ADAMTSL1: variants seen among roughly 807,000 people sequenced by gnomAD.
The protein encoded by ADAMTSL1 is ADAMTS like 1, also known as ADAMTS-like protein 1.
A neutral mutation model predicts 201.8 loss-of-function variants in ADAMTSL1; 126 were observed. The ratio of observed to expected loss-of-function variants is 0.62; its 90% CI spans 0.54 to 0.72. ADAMTSL1 has a LOEUF of 0.72. Ranked by LOEUF, ADAMTSL1 falls within the 30% of genes least tolerant of loss-of-function variation. The pLI, the probability that ADAMTSL1 is intolerant of heterozygous loss-of-function variation, is 0.00. For missense variants in ADAMTSL1, 2,679 were observed against 2,277.8 expected, an observed-to-expected ratio of 1.18 and a Z score of -3.59; for synonymous variants, 1,121 against 903.4, an observed-to-expected ratio of 1.24 and a Z score of -4.32.
chr9:18,441,199 A>G (rs1030500003), intron 2 of ADAMTSL1, among the ~76,000 whole-genome samples: 11 of 152,178 alleles, frequency 7.2e-5, no homozygotes, highest in African/African-American at 1.2e-4. Flanking sequence ...TTTGGGGGTA[A>G]TAAGAATGTT....
intron 2 of ADAMTSL1, among the ~76,000 whole-genome samples, chr9:18,243,662 T>C (rs1040765214): frequency 6.6e-6 from 1 of 152,068 alleles, no homozygotes; most frequent in African/African-American, 2.4e-5. Context: ...TCCTGCTCTT[T>C]CTCTAAGCAT....
intron 2 of ADAMTSL1, among the ~76,000 whole-genome samples, chr9:18,435,533 C>A (rs1188016832): frequency 6.6e-6 from 1 of 152,174 alleles, no homozygotes; most frequent in Non-Finnish European, 1.5e-5. Flanking sequence ...GGGCTCTGAT[C>A]GATTTGGTTA....
chr9:18,455,018 T>C (rs1820548872), intron 2 of ADAMTSL1, among the ~76,000 whole-genome samples: 1 of 152,124 alleles, frequency 6.6e-6, no homozygotes, highest in South Asian at 2.1e-4. Context: ...ATTCATAGGG[T>C]GGGTGGGTGT....
chr9:18,891,312 T>C (rs12003911), intron 25 of ADAMTSL1, among the ~76,000 whole-genome samples: 19,715 of 152,274 alleles, frequency 0.13, 1,418 homozygotes, highest in Middle Eastern at 0.21. Context: ...AACCCCGCTG[T>C]GACCCAGGTA....
At chr9:18,694,734 C>T (rs879376212) in intron 13 of ADAMTSL1, among the ~76,000 whole-genome samples, 5 of 152,140 alleles carry the variant, frequency 3.3e-5, no homozygotes, top group Non-Finnish European at 5.9e-5. Flanking sequence ...ATCTACCATT[C>T]TGGGGTCTGC....
At chr9:18,400,369 G>A (rs1174978346) in intron 2 of ADAMTSL1, among the ~76,000 whole-genome samples, 4 of 152,072 alleles carry the variant, frequency 2.6e-5, no homozygotes, top group Non-Finnish European at 5.9e-5. Context: ...TTTGTTGATA[G>A]TTTTAAAAGT....
intron 2 of ADAMTSL1, among the ~76,000 whole-genome samples, chr9:18,466,368 T>G (rs530666853): frequency 6.6e-6 from 1 of 152,314 alleles, no homozygotes; most frequent in East Asian, 1.9e-4. Flanking sequence ...TTTTATTTCC[T>G]TCTTGCCATA....
chr9:18,453,484 C>G (rs767696255), intron 2 of ADAMTSL1, among the ~76,000 whole-genome samples: 2 of 152,070 alleles, frequency 1.3e-5, no homozygotes, highest in Non-Finnish European at 2.9e-5. Context: ...TCTGAACATG[C>G]TTTTTTAATT....
intron 2 of ADAMTSL1, among the ~76,000 whole-genome samples, chr9:18,453,584 T>C (rs916880669): frequency 1.3e-5 from 2 of 152,168 alleles, no homozygotes; most frequent in African/African-American, 4.8e-5. Context: ...ATTTCTTTTC[T>C]CTTGCAGCTT....
chr9:18,815,950 T>C (rs1333159488), intron 20 of ADAMTSL1, among the ~76,000 whole-genome samples: 1 of 152,124 alleles, frequency 6.6e-6, no homozygotes, highest in Admixed American at 6.5e-5. Context: ...AAAATCAAAT[T>C]AGGGTATTTG....
intron 17 of ADAMTSL1, among the ~76,000 whole-genome samples, chr9:18,773,838 C>T (rs1820832326): frequency 6.6e-6 from 1 of 152,200 alleles, no homozygotes; most frequent in Non-Finnish European, 1.5e-5. Flanking sequence ...AGGCTTCTTA[C>T]TTCCATCCCA....
At chr9:18,811,719 T>G (rs1478720366) in intron 20 of ADAMTSL1, among the ~76,000 whole-genome samples, 1 of 152,196 alleles carries the variant, frequency 6.6e-6, no homozygotes, top group Non-Finnish European at 1.5e-5. Context: ...CCCACCTTCA[T>G]CACCCTTATT....
At chr9:18,533,939 G>T (rs1438530402) in intron 3 of ADAMTSL1, among the ~76,000 whole-genome samples, 1 of 152,184 alleles carries the variant, frequency 6.6e-6, no homozygotes, top group East Asian at 1.9e-4. Flanking sequence ...AGCCCATATT[G>T]GATTTGAAGG....
chr9:18,196,639 T>G (rs1413602847), intron 2 of ADAMTSL1, among the ~76,000 whole-genome samples: 1 of 152,104 alleles, frequency 6.6e-6, no homozygotes, highest in Non-Finnish European at 1.5e-5. Context: ...TCATCTATAC[T>G]CAACTTTTCA....
intron 2 of ADAMTSL1, among the ~76,000 whole-genome samples, chr9:18,513,044 T>C (rs2131981198): frequency 6.6e-6 from 1 of 152,314 alleles, no homozygotes; most frequent in Non-Finnish European, 1.5e-5. Flanking sequence ...TAAGAAAATA[T>C]TTCAGACTTA....
intron 2 of ADAMTSL1, among the ~76,000 whole-genome samples, chr9:18,520,681 C>G (rs7041523): frequency 0.57 from 87,134 of 152,104 alleles, 25,278 homozygotes; most frequent in East Asian, 0.8. Context: ...CTGTTCCCAG[C>G]CAGCTCACCT....
At position 17,970,282 on chromosome 9, in the gene ADAMTSL1, C is replaced by G. The variant is rs1004558075; in HGVS notation, c.87+63360C>G. On this transcript the variant is annotated intron_variant, in intron 1 of 29. Transcript: ENST00000680146. Reference sequence around the variant, plus strand: ...ATTGTATCTTTTATCAACAAGTCCTCAAAACTACCCCCTCCTATCTACCCC... The same window carrying G: ...ATTGTATCTTTTATCAACAAGTCCTGAAAACTACCCCCTCCTATCTACCCC... 3.3e-5 allele frequency among the ~76,000 whole-genome samples: 5 copies of G among 152,012 alleles called. 1 individual carries two copies. The highest frequency in any genetic ancestry group is 1.3e-4 in the Admixed American group (2 of 15,238).
intron 13 of ADAMTSL1, among the ~76,000 whole-genome samples, chr9:18,698,365 C>G (rs1198417056): frequency 6.6e-6 from 1 of 152,070 alleles, no homozygotes; most frequent in African/African-American, 2.4e-5. Context: ...CTCACTGCAA[C>G]CTCCACCTCC....
At chr9:18,372,852 C>T (rs889755756) in intron 2 of ADAMTSL1, among the ~76,000 whole-genome samples, 2 of 152,170 alleles carry the variant, frequency 1.3e-5, no homozygotes, top group South Asian at 2.1e-4. Context: ...AAAATAATAA[C>T]CATAGCAAAA....
Sources: allele counts gnomAD v4.1 joint callset (sites outside exome capture counted in the v4.1 genomes callset), GRCh38; gene constraint gnomAD v4.1.1; transcripts MANE v1.5; gene names NCBI Gene and HGNC (gene_info 2026-07-23, HGNC 2026-07-21).